The following NEB variants were observed in gnomAD, a reference collection of about 807,000 sequenced individuals.
NEB encodes the protein nebulin, also known as nemaline myopathy type 2.
NEB carries 512 observed loss-of-function variants against 952.2 expected under a neutral mutation model. The ratio of observed to expected loss-of-function variants is 0.54; its 90% confidence interval spans 0.50 to 0.58. NEB has a LOEUF of 0.58. NEB is among the 20% of genes least tolerant of loss of function. NEB has a pLI of 0.00. For missense variants in NEB, 8,428 were observed against 9,231.1 expected, an observed-to-expected ratio of 0.91 and a Z score of 3.56; for synonymous variants, 2,900 against 3,149.8, an observed-to-expected ratio of 0.92 and a Z score of 2.66.
At chr2:151,698,669 C>T (rs71350303) in intron 13 of NEB, among the ~76,000 whole-genome samples, 1 of 140,660 alleles carries the variant, frequency 7.1e-6, no homozygotes, top group Non-Finnish European at 1.5e-5. Context: ...ATGGAGTCTC[C>T]CTCTGTTGCC....
chr2:151,646,176 G>A lies in NEB; in HGVS notation c.7490C>T (p.Thr2497Ile), dbSNP rs1175864178. ...TGCTTTAGCCAGAACAATGTCAGGT[G>A]TATCAGGCATGATGTGGATCTGAGT... ...DKTQIHIMPD[T>I]PDIVLAKANL... The change falls in exon 55 of 182, where the codon ACA (threonine) becomes ATA (isoleucine). Residue 2497 changes from threonine to isoleucine, a missense_variant. Thr to Ile is a moderately conservative substitution (Grantham distance 89). This residue lies in a region of NEB where 1,772 missense variants were observed against 1,960.3 expected (regional missense o/e 0.90). Transcript: ENST00000397345. 4 of 1,604,768 alleles carry A rather than the reference G, an allele frequency of 2.5e-6. No homozygotes were observed. Among genetic ancestry groups the A allele is most frequent in the Non-Finnish European group, 3.4e-6 (4 of 1,175,306 alleles).
rs768113253 is a variant in NEB at position 151,688,277 on chromosome 2, G to A, written c.2415+15C>T. ...ATGTACACCAAACATAGGCTTCTGT[G>A]GCTTTGGTACTTACATCACTCAGAT... On this transcript the variant is annotated intron_variant, in intron 25 of 181. Coordinates refer to ENST00000397345, the MANE Select transcript of NEB (RefSeq NM_001164508.2). 1.5e-5 allele frequency: 24 copies of A among 1,563,524 alleles called. No individual in the cohort carries two copies. Among genetic ancestry groups the A allele is most frequent in the Non-Finnish European group, 2.1e-5 (24 of 1,135,224 alleles).
In NEB at chr2:151,551,743, T is replaced by C. The variant is rs1559830688; in HGVS notation, c.19939A>G (p.Ser6647Gly). The C allele has an allele frequency of 1.3e-5, 21 of 1,613,228 alleles. No homozygotes were observed. The highest frequency in any genetic ancestry group is 1.8e-5 in the Non-Finnish European group (21 of 1,179,388). The change falls in exon 129 of 182, where the codon AGT becomes GGT. Residue 6647 changes from serine to glycine, a missense_variant. By Grantham distance (56) the Ser-to-Gly change is moderately conservative. Coordinates refer to ENST00000397345, the MANE Select transcript of NEB (RefSeq NM_001164508.2). ...DRALHAYKLQ[S>G]SNLYKTSLRT... ...CTCAAGTTCTCACTGCTCACCGAAC[T>C]CTGGAGCTTGTATGCATGAAGGGCC...
intron 78 of NEB, 87 bp downstream of exon 78, chr2:151,612,099 T>C (rs2097999180): frequency 7.1e-7 from 1 of 1,413,516 alleles, no homozygotes; most frequent in African/African-American, 1.4e-5. Context: ...ACCTCCTTTC[T>C]CAGGGAATCC....
chr2:151,697,042 T>C (rs1019730300), intron 16 of NEB, 106 bp downstream of exon 16: 20 of 813,582 alleles, frequency 2.5e-5, no homozygotes, highest in Non-Finnish European at 1.9e-6. Flanking sequence ...TTTCTTGCGA[T>C]TGCCTGGCTT....
chr2:151,643,017 A>C (rs1373425776), intron 58 of NEB, 133 bp downstream of exon 58: 1 of 1,172,800 alleles, frequency 8.5e-7, no homozygotes, highest in Non-Finnish European at 1.2e-6. Context: ...TGTCAATAAG[A>C]AGCACAATAC....
chr2:151,670,502 T>C (rs912773397), intron 38 of NEB, among the ~76,000 whole-genome samples: 2 of 144,584 alleles, frequency 1.4e-5, no homozygotes, highest in African/African-American at 5.6e-5. Context: ...GAGTCCACGG[T>C]GTAAGAGTCC....
intron 81 of NEB, 105 bp downstream of exon 81, chr2:151,609,704 T>G: frequency 9.4e-7 from 1 of 1,064,066 alleles, no homozygotes; most frequent in Non-Finnish European, 1.3e-6. Context: ...CACCCCCAGG[T>G]TTGTGCAGTG....
intron 60 of NEB, among the ~76,000 whole-genome samples, chr2:151,640,986 T>A (rs2098839611): frequency 6.6e-6 from 1 of 152,142 alleles, no homozygotes; most frequent in Non-Finnish European, 1.5e-5. Context: ...TATGCTGCAA[T>A]GACAATGACA....
chr2:151,684,873 C>T lies in NEB; in HGVS notation c.2740G>A (p.Asp914Asn), dbSNP rs751681905. Residue 914 changes from aspartate (D) to asparagine (N), a missense_variant, in exon 28 of 182, where the codon GAC becomes AAC. By Grantham distance (23) the Asp-to-Asn change is conservative. Transcript: ENST00000397345. Reference sequence around the variant, plus strand: ...TGTAAGATGTGCTTATAATCAACGTCGCTGGCAATTGCCTGAGATTTCTTA... The same window carrying T: ...TGTAAGATGTGCTTATAATCAACGTTGCTGGCAATTGCCTGAGATTTCTTA... ...QAKKSQAIAS[D>N]VDYKHILHSY... 26 of 1,613,102 alleles carry T rather than the reference C, an allele frequency of 1.6e-5. 1 individual carries two copies. The Middle Eastern group carries it at 4.9e-4, about 31-fold the overall frequency.
intron 67 of NEB, among the ~76,000 whole-genome samples, chr2:151,629,934 A>G (rs976175869): frequency 6.6e-6 from 1 of 152,160 alleles, no homozygotes; most frequent in Non-Finnish European, 1.5e-5. Context: ...ACATATCAGC[A>G]TAGATCAATA....
chr2:151,644,016 G>T lies in NEB; in HGVS notation c.7758C>A (p.Asp2586Glu). Residue 2586 changes from aspartate (D) to glutamate (E), a missense_variant, in exon 57 of 182, where the codon GAC becomes GAA. Asp to Glu is a conservative substitution (Grantham distance 45, BLOSUM62 2). This residue lies in a region of NEB where 1,772 missense variants were observed against 1,960.3 expected (regional missense o/e 0.90). Coordinates refer to ENST00000397345, the MANE Select transcript of NEB (RefSeq NM_001164508.2). Reference sequence around the variant, plus strand: ...TCTCAAAGTCCTTCTTGTACTCCCTGTCACTCTGGATCTTGGCCACATGCA... The same window carrying T: ...TCTCAAAGTCCTTCTTGTACTCCCTTTCACTCTGGATCTTGGCCACATGCA... ...WSMHVAKIQSDREYKKDFEKW... is the reference protein window; with the variant it reads ...WSMHVAKIQSEREYKKDFEKW... 1.2e-6 allele frequency: 2 copies of T among 1,613,942 alleles called. No individual in the cohort carries two copies. Among genetic ancestry groups the T allele is most frequent in the Non-Finnish European group, 1.7e-6 (2 of 1,179,880 alleles).
intron 129 of NEB, 58 bp from the exon 130 acceptor site, chr2:151,549,798 G>T: frequency 1.0e-6 from 1 of 1,004,676 alleles, no homozygotes; most frequent in Non-Finnish European, 1.5e-6. Flanking sequence ...ACTGATCTGA[G>T]CTTAACAAAT....
At chr2:151,519,968 T>C (rs1047984834) in intron 153 of NEB, 200 bp from the exon 154 acceptor site, 19 of 445,016 alleles carry the variant, frequency 4.3e-5, no homozygotes, top group African/African-American at 8.0e-5. Context: ...TTCAAATATA[T>C]GATCACTGGC....
chr2:151,727,258 G>A (rs1029459103), intron 5 of NEB, among the ~76,000 whole-genome samples: 7 of 152,090 alleles, frequency 4.6e-5, no homozygotes, highest in African/African-American at 1.4e-4. Context: ...TAAAATAAAT[G>A]TTCTTCTTCA....
chr2:151,553,997 T>C lies in NEB; in HGVS notation c.19457A>G (p.Asn6486Ser), dbSNP rs2095483682. The C allele has an allele frequency of 1.2e-6, 2 of 1,613,752 alleles. No homozygotes were observed. The highest frequency in any genetic ancestry group is 1.7e-6 in the Non-Finnish European group (2 of 1,179,776). The part of the protein sequence containing the change: ...DRLYRSVYEK[N>S]KMKIHIVPDM... ...GGGCACGATGTGGATTTTCATCTTG[T>C]TCTTTTCATAAACTGATCTGTACAG... The change falls in exon 126 of 182, where the codon AAC becomes AGC. Residue 6486 changes from asparagine to serine, a missense_variant. Coordinates refer to ENST00000397345, the MANE Select transcript of NEB (RefSeq NM_001164508.2).
At position 151,518,404 on chromosome 2, in the gene NEB, ACTT is replaced by A. The variant is rs760161843; in HGVS notation, c.22711_22713del (p.Lys7571del). 55 of 1,608,110 alleles carry A rather than the reference ACTT, an allele frequency of 3.4e-5. No individual in the cohort carries two copies. The highest frequency in any genetic ancestry group is 4.0e-5 in the African/African-American group (3 of 74,698). ...TGGTAGTGGCCTTTACTCTTCTCAT[ACTT>A]CTTCTTGTACTGGTACTGAGGGGAA... On this transcript the variant is annotated inframe_deletion, in exon 156 of 182. Transcript: ENST00000397345.
At chr2:151,503,317 A>C in intron 166 of NEB, 32 bp downstream of exon 166, 4 of 1,484,220 alleles carry the variant, frequency 2.7e-6, no homozygotes, top group Non-Finnish European at 3.7e-6. Flanking sequence ...TTTTATGGGA[A>C]ATAGTTTCTT....
At chr2:151,662,666 T>C (rs1353556034) in intron 45 of NEB, among the ~76,000 whole-genome samples, 3 of 152,214 alleles carry the variant, frequency 2.0e-5, no homozygotes, top group African/African-American at 7.2e-5. Flanking sequence ...GTGACTGTTA[T>C]CTCCTTGAGA....
Sources: allele counts gnomAD v4.1 joint callset (sites outside exome capture counted in the v4.1 genomes callset), GRCh38; gene constraint gnomAD v4.1.1; regional missense constraint gnomAD v4.1.1; transcripts MANE v1.5; gene names NCBI Gene and HGNC (gene_info 2026-07-23, HGNC 2026-07-21).